DOCK2: variants seen among roughly 807,000 people sequenced by gnomAD.
The protein encoded by DOCK2 is dedicator of cytokinesis 2, also known as dedicator of cytokinesis protein 2.
DOCK2 carries 87 observed loss-of-function variants against 248.9 expected under a neutral mutation model. That is an observed-to-expected ratio of 0.35 (90% CI 0.29 to 0.42). DOCK2 has a LOEUF of 0.42. Ranked by LOEUF, DOCK2 falls within the 10% of genes least tolerant of loss-of-function variation. The pLI is 1.00. For missense variants in DOCK2, 1,747 were observed against 2,300.2 expected, an observed-to-expected ratio of 0.76 and a Z score of 4.92; for synonymous variants, 805 against 821.6, an observed-to-expected ratio of 0.98 and a Z score of 0.35.
intron 27 of DOCK2, among the ~76,000 whole-genome samples, chr5:169,930,466 C>T (rs1775698106): frequency 6.6e-6 from 1 of 152,144 alleles, no homozygotes; most frequent in African/African-American, 2.4e-5. Flanking sequence ...AATTTCCCTT[C>T]TCCTCTGAAA....
chr5:170,023,852 G>A (rs1311137324), intron 33 of DOCK2, among the ~76,000 whole-genome samples: 1 of 152,192 alleles, frequency 6.6e-6, no homozygotes, highest in Non-Finnish European at 1.5e-5. Context: ...CACCAGACGT[G>A]TGAGGAAGAG....
At chr5:170,076,161 G>A in intron 47 of DOCK2, 77 bp downstream of exon 47, 6 of 1,553,850 alleles carry the variant, frequency 3.9e-6, no homozygotes, top group Non-Finnish European at 4.4e-6. Flanking sequence ...GGCTGAAGTT[G>A]GAGGGGATCC....
intron 5 of DOCK2, among the ~76,000 whole-genome samples, chr5:169,672,731 T>G (rs1759113022): frequency 6.6e-6 from 1 of 152,324 alleles, no homozygotes; most frequent in African/African-American, 2.4e-5. Context: ...TTACCTGAAC[T>G]TCTGTTGGAC....
chr5:169,823,463 A>C (rs548596431), intron 26 of DOCK2, among the ~76,000 whole-genome samples: 1 of 152,336 alleles, frequency 6.6e-6, no homozygotes, highest in African/African-American at 2.4e-5. Context: ...AGGCTGGTTC[A>C]ATATACGCAA....
chr5:169,649,804 T>C (rs1757697461), intron 1 of DOCK2, among the ~76,000 whole-genome samples: 2 of 151,006 alleles, frequency 1.3e-5, no homozygotes, highest in Non-Finnish European at 2.9e-5. Context: ...AGGGATTTTT[T>C]TTTCTTTCTT....
Position 169,670,516 on chromosome 5 carries a change from G to A in DOCK2, c.169-26G>A, listed in dbSNP as rs72841124. On this transcript the variant is annotated intron_variant, in intron 3 of 51. Transcript: ENST00000520908. Reference sequence around the variant, plus strand: ...GTGATATATCTTTTTATTTTATTTTGTTTTGTTTTGTTTTGTTTCCAACAG... The same window carrying A: ...GTGATATATCTTTTTATTTTATTTTATTTTGTTTTGTTTTGTTTCCAACAG... The A allele has an allele frequency of 4.1e-5, 43 of 1,054,076 alleles. No individual in the cohort carries two copies. Among genetic ancestry groups the A allele is most frequent in the Middle Eastern group, 2.3e-4 (1 of 4,400 alleles). 65.3% of individuals were successfully genotyped at this position (1,054,076 alleles called of 1,614,324 possible).
At chr5:169,795,192 A>G (rs1451327794) in intron 25 of DOCK2, among the ~76,000 whole-genome samples, 1 of 152,158 alleles carries the variant, frequency 6.6e-6, no homozygotes, top group African/African-American at 2.4e-5. Context: ...GGTAAAAGCA[A>G]GAGCTTGGTT....
At chr5:169,969,581 T>G (rs897097236) in intron 27 of DOCK2, among the ~76,000 whole-genome samples, 4 of 152,076 alleles carry the variant, frequency 2.6e-5, no homozygotes. Context: ...GAATTCAGAG[T>G]GGACAGCTTT....
intron 33 of DOCK2, among the ~76,000 whole-genome samples, chr5:170,023,244 G>T (rs1755792031): frequency 6.6e-6 from 1 of 152,154 alleles, no homozygotes; most frequent in African/African-American, 2.4e-5. Flanking sequence ...GCATCTGACA[G>T]CAGCACCTAG....
intron 5 of DOCK2, 90 bp downstream of exon 5, chr5:169,671,264 G>A (rs1759039646): frequency 1.7e-6 from 2 of 1,200,358 alleles, no homozygotes; most frequent in Non-Finnish European, 2.4e-6. Flanking sequence ...AGTCAGGCAG[G>A]TGGAGGTGGC....
At chr5:169,841,320 ATTC>A (rs1382566524) in intron 27 of DOCK2, 3 of 990,918 alleles carry the variant, frequency 3.0e-6, no homozygotes, top group South Asian at 9.0e-5. Context: ...ATATTGAGCT[ATTC>A]TTCTGCATAA....
intron 25 of DOCK2, among the ~76,000 whole-genome samples, chr5:169,781,197 A>T (rs1765698388): frequency 6.6e-6 from 1 of 152,216 alleles, no homozygotes; most frequent in Non-Finnish European, 1.5e-5. Context: ...AGGAAATTGG[A>T]GTACCTGGAG....
intron 22 of DOCK2, among the ~76,000 whole-genome samples, chr5:169,734,824 G>A (rs1234312083): frequency 6.6e-6 from 1 of 152,114 alleles, no homozygotes; most frequent in East Asian, 1.9e-4. Context: ...CAATATGCAG[G>A]CCCTAGGATT....
rs1359811683 is a variant in DOCK2, at chr5:169,761,623, A to C, written c.2552A>C (p.Gln851Pro). ...GTCCAGAGCAACCTCTTTAAAAAGC[A>C]AGGTGAGTACACAGCACCCTTGCTG... ...EIVQSNLFKK[Q>P]ECRDILLPVI... is the part of the protein sequence containing the mutation. Residue 851 changes from glutamine (Q) to proline (P), a missense_variant and splice_region_variant, in exon 25 of 52, where the codon CAA becomes CCA. Gln to Pro is a moderately conservative substitution (Grantham distance 76, BLOSUM62 -1). Around this residue, in one of 4 missense-constraint regions of DOCK2, gnomAD observed 858 missense variants for 1,183.5 expected, o/e 0.72. Transcript: ENST00000520908. 5.6e-6 allele frequency: 9 copies of C among 1,613,526 alleles called. No homozygotes were observed. The African/African-American group carries it at 9.3e-5, about 17-fold the overall frequency.
intron 27 of DOCK2, among the ~76,000 whole-genome samples, chr5:169,859,541 C>T (rs953844804): frequency 6.6e-6 from 1 of 152,212 alleles, no homozygotes; most frequent in African/African-American, 2.4e-5. Flanking sequence ...TTTTAGCATA[C>T]AGCAAGTTGC....
At chr5:169,852,330 C>A (rs951193860) in intron 27 of DOCK2, among the ~76,000 whole-genome samples, 1 of 152,204 alleles carries the variant, frequency 6.6e-6, no homozygotes, top group Non-Finnish European at 1.5e-5. Flanking sequence ...GAGGGGCCAG[C>A]TTTTTCTTGT....
intron 28 of DOCK2, 29 bp from the exon 29 acceptor site, chr5:169,985,799 G>A (rs765158697): frequency 6.4e-6 from 10 of 1,561,502 alleles, no homozygotes; most frequent in African/African-American, 1.4e-5. Context: ...AAAACAGGAT[G>A]ACATGTGTGC....
intron 1 of DOCK2, among the ~76,000 whole-genome samples, chr5:169,645,175 G>C (rs1472571543): frequency 6.6e-6 from 1 of 152,056 alleles, no homozygotes; most frequent in Admixed American, 6.5e-5. Context: ...GGGATTGCTG[G>C]GCCAAATGGT....
At chr5:169,804,564 T>C (rs1767231404) in intron 26 of DOCK2, among the ~76,000 whole-genome samples, 1 of 151,738 alleles carries the variant, frequency 6.6e-6, no homozygotes. Flanking sequence ...TGTTCAGTGG[T>C]GAATAATTAA....
Sources: allele counts gnomAD v4.1 joint callset (sites outside exome capture counted in the v4.1 genomes callset), GRCh38; gene constraint gnomAD v4.1.1; regional missense constraint gnomAD v4.1.1; transcripts MANE v1.5; gene names NCBI Gene and HGNC (gene_info 2026-07-23, HGNC 2026-07-21).